DGKB: variants seen among roughly 807,000 people sequenced by gnomAD.
The protein encoded by DGKB is diacylglycerol kinase beta.
In DGKB, 67 loss-of-function variants were observed where a neutral mutation model predicts 114.3. The observed-to-expected ratio is 0.59, with a 90% confidence interval of 0.48 to 0.72. The LOEUF (loss-of-function observed/expected upper bound fraction) is 0.72. Ranked by LOEUF, DGKB falls within the 30% of genes least tolerant of loss-of-function variation. DGKB has a pLI of 0.00. For missense variants in DGKB, 907 were observed against 975.2 expected, an observed-to-expected ratio of 0.93 and a Z score of 0.93; for synonymous variants, 398 against 323.1, an observed-to-expected ratio of 1.23 and a Z score of -2.49.
At chr7:14,235,323 T>C (rs1245396217) in intron 23 of DGKB, among the ~76,000 whole-genome samples, 1 of 152,082 alleles carries the variant, frequency 6.6e-6, no homozygotes, top group African/African-American at 2.4e-5. Context: ...AAGAATGGAA[T>C]GGTCTCTCTA....
At chr7:14,761,010 A>G (rs1835606416) in intron 2 of DGKB, among the ~76,000 whole-genome samples, 1 of 152,180 alleles carries the variant, frequency 6.6e-6, no homozygotes, top group Non-Finnish European at 1.5e-5. Context: ...TTGGTCTGAG[A>G]CAATTTAAAG....
intron 1 of DGKB, among the ~76,000 whole-genome samples, chr7:14,958,098 C>A (rs531823784): frequency 6.6e-6 from 1 of 151,858 alleles, no homozygotes; most frequent in Non-Finnish European, 1.5e-5. Flanking sequence ...CTAGATTGTT[C>A]TTATTCAAAC....
chr7:14,451,578 T>C (rs1269085259), intron 21 of DGKB, among the ~76,000 whole-genome samples: 1 of 149,210 alleles, frequency 6.7e-6, no homozygotes, highest in Non-Finnish European at 1.5e-5. Flanking sequence ...TCTCTCTCCA[T>C]CTAATCTCCA....
At chr7:14,383,679 C>T (rs928920590) in intron 21 of DGKB, among the ~76,000 whole-genome samples, 1 of 152,182 alleles carries the variant, frequency 6.6e-6, no homozygotes, top group African/African-American at 2.4e-5. Context: ...TCCTTCCTAA[C>T]TGAGTCAACT....
Position 14,632,551 on chromosome 7 carries a change from T to C in DGKB, c.1135-2283A>G, listed in dbSNP as rs1287172783. 2.6e-5 allele frequency among the ~76,000 whole-genome samples: 4 copies of C among 152,038 alleles called. 1 individual carries two copies. The highest frequency in any genetic ancestry group is 3.9e-4 in the East Asian group (2 of 5,182). ...TAAAATTTGAGAGAAGAAAGTTCTT[T>C]CTACCTCTTCATTATATCCTTTAAC... On this transcript the variant is annotated intron_variant, in intron 13 of 25. Coordinates refer to ENST00000402815, the MANE Select transcript of DGKB (RefSeq NM_001350709.2).
intron 16 of DGKB, among the ~76,000 whole-genome samples, chr7:14,611,868 T>C (rs1004713885): frequency 6.6e-6 from 1 of 151,816 alleles, no homozygotes; most frequent in African/African-American, 2.4e-5. Flanking sequence ...CAAACTTCAA[T>C]ATTCTGTAAT....
At chr7:14,630,726 A>G (rs1003251795) in intron 13 of DGKB, among the ~76,000 whole-genome samples, 4 of 152,100 alleles carry the variant, frequency 2.6e-5, no homozygotes, top group Non-Finnish European at 5.9e-5. Context: ...TCTGGAAATA[A>G]GAAAACATAT....
chr7:14,194,805 A>T (rs2128279755), intron 23 of DGKB, among the ~76,000 whole-genome samples: 1 of 152,200 alleles, frequency 6.6e-6, no homozygotes, highest in East Asian at 1.9e-4. Context: ...GCTGACTATA[A>T]CTTTGTTTTT....
At chr7:14,310,053 T>A (rs1017400559) in intron 23 of DGKB, among the ~76,000 whole-genome samples, 8 of 152,032 alleles carry the variant, frequency 5.3e-5, no homozygotes, top group African/African-American at 1.9e-4. Context: ...TTGAGTGAGG[T>A]AGAAATTCCA....
intron 23 of DGKB, among the ~76,000 whole-genome samples, chr7:14,298,965 G>C (rs1417226579): frequency 6.6e-6 from 1 of 152,120 alleles, no homozygotes; most frequent in Non-Finnish European, 1.5e-5. Flanking sequence ...CTGGTCATTA[G>C]AGAAATGCAA....
intron 23 of DGKB, among the ~76,000 whole-genome samples, chr7:14,202,577 T>G (rs189674473): frequency 1.3e-5 from 2 of 152,122 alleles, no homozygotes; most frequent in East Asian, 1.9e-4. Flanking sequence ...TGCTACATTT[T>G]TGGTATCTTT....
chr7:14,473,301 G>T (rs978264643), intron 21 of DGKB, among the ~76,000 whole-genome samples: 1 of 152,232 alleles, frequency 6.6e-6, no homozygotes, highest in Non-Finnish European at 1.5e-5. Context: ...CATAGCTTCA[G>T]AGGGTGCAAG....
At chr7:14,651,316 C>T (rs1256877641) in intron 13 of DGKB, among the ~76,000 whole-genome samples, 1 of 151,716 alleles carries the variant, frequency 6.6e-6, no homozygotes, top group Non-Finnish European at 1.5e-5. Context: ...AAGTGGGCTT[C>T]ATCCCTGGGA....
chr7:14,654,825 T>C (rs182268907), intron 13 of DGKB, among the ~76,000 whole-genome samples: 68 of 152,042 alleles, frequency 4.5e-4, no homozygotes, highest in African/African-American at 1.6e-3. Flanking sequence ...TGGATATTCA[T>C]ATGCAGAGGA....
chr7:14,468,758 A>G (rs1780851958), intron 21 of DGKB, among the ~76,000 whole-genome samples: 1 of 149,460 alleles, frequency 6.7e-6, no homozygotes, highest in Non-Finnish European at 1.5e-5. Context: ...AAATACTTAA[A>G]CTTGAATTAT....
chr7:14,923,193 T>A (rs1784593790), intron 1 of DGKB, among the ~76,000 whole-genome samples: 1 of 152,224 alleles, frequency 6.6e-6, no homozygotes, highest in Admixed American at 6.5e-5. Flanking sequence ...TATATTTTCT[T>A]TGGTATTTTC....
intron 1 of DGKB, among the ~76,000 whole-genome samples, chr7:14,869,693 T>C (rs184703074): frequency 7.1e-4 from 108 of 152,286 alleles, no homozygotes; most frequent in Non-Finnish European, 1.2e-3. Context: ...ACATAATTAC[T>C]ATGCATGGGC....
intron 25 of DGKB, among the ~76,000 whole-genome samples, chr7:14,159,765 T>G (rs982941021): frequency 6.6e-6 from 1 of 152,156 alleles, no homozygotes; most frequent in Non-Finnish European, 1.5e-5. Context: ...CCCCGTCTCC[T>G]GGGTTCAAGT....
chr7:14,798,644 G>A (rs570962419), intron 2 of DGKB, among the ~76,000 whole-genome samples: 10 of 152,256 alleles, frequency 6.6e-5, no homozygotes, highest in Non-Finnish European at 1.3e-4. Flanking sequence ...GCTGGACACT[G>A]ACTCTAAATT....
Sources: gnomAD v4.1 joint callset for allele counts (sites outside exome capture counted in the v4.1 genomes callset) on GRCh38, gnomAD v4.1.1 for gene constraint, MANE v1.5 for transcripts, NCBI Gene and HGNC (gene_info 2026-07-23, HGNC 2026-07-21) for gene names.